Variants in ZNF471 observed in about 807,000 individuals in gnomAD.
ZNF471 encodes the protein EZFIT-related protein 1.
Under a neutral mutation model 13.7 loss-of-function variants are expected in ZNF471, and 7 were observed. The observed-to-expected ratio is 0.51, with a 90% CI of 0.29 to 0.96. The LOEUF (loss-of-function observed/expected upper bound fraction) is 0.96. Ranked by LOEUF, ZNF471 falls within the 40% of genes least tolerant of loss-of-function variation. ZNF471 has a pLI of 0.08. For synonymous variants in ZNF471, 218 were observed against 235.6 expected, an observed-to-expected ratio of 0.93 and a Z score of 0.68; for missense variants, 663 against 743.3, an observed-to-expected ratio of 0.89 and a Z score of 1.26.
rs2147903549 is a variant in ZNF471, at chr19:56,511,530, A to G, written c.-42A>G. 6.2e-7 allele frequency: 1 copy of G among 1,613,544 alleles called. No individual in the cohort carries two copies. The highest frequency in any genetic ancestry group is 8.5e-7 in the Non-Finnish European group (1 of 1,179,676). Reference sequence around the variant, plus strand: ...CCCTTCCTTCAGCCTTGCCCTCCCAAGACACTGTTCTTCAAGAGAAAGACC... The same window carrying G: ...CCCTTCCTTCAGCCTTGCCCTCCCAGGACACTGTTCTTCAAGAGAAAGACC... On this transcript the variant is annotated 5_prime_UTR_variant, in exon 2 of 5. Coordinates refer to ENST00000308031, the MANE Select transcript of ZNF471 (RefSeq NM_020813.4).
rs371844149 is a variant in ZNF471, at chr19:56,516,229, T to C, written c.34-46T>C. ...CACTTTGGATCAACTCAGAGTTATC[T>C]TTGGACACGAGCATTGGTTGGTTAA... On this transcript the variant is annotated intron_variant, in intron 2 of 4. Coordinates refer to ENST00000308031, the MANE Select transcript of ZNF471 (RefSeq NM_020813.4). This position sits in a 1 kb window ranked among gnomAD's most constrained non-coding sequence, Gnocchi z 4.4. The C allele has an allele frequency of 1.2e-6, 2 of 1,600,552 alleles. No homozygotes were observed. Among genetic ancestry groups the C allele is most frequent in the African/African-American group, 2.7e-5 (2 of 74,674 alleles).
intron 3 of ZNF471, 56 bp from the exon 4 acceptor site, chr19:56,518,426 T>C: frequency 7.3e-7 from 1 of 1,369,732 alleles, no homozygotes; most frequent in South Asian, 1.2e-5. Context: ...TACTGGCTTT[T>C]AGTTCTGAAA....
Position 56,508,074 on chromosome 19 carries a change from C to T in ZNF471, c.-56+154C>T. ...CAGAGGCCAGCGGGGCGCGCGTACT[C>T]GAGTCTGCGGGGCGGAGGCCGCGGC... On this transcript the variant is annotated intron_variant, in intron 1 of 4. Transcript: ENST00000308031. This position sits in a 1 kb window ranked among gnomAD's most constrained non-coding sequence, Gnocchi z 4.7. The T allele has an allele frequency of 1.0e-6, 1 of 985,278 alleles. No homozygotes were observed. The highest frequency in any genetic ancestry group is 1.2e-6 in the Non-Finnish European group (1 of 829,828). 61.0% of individuals were successfully genotyped at this position (985,278 alleles called of 1,614,324 possible).
chr19:56,525,376 G>A lies in ZNF471; in HGVS notation c.1309G>A (p.Gly437Arg). 1 of 1,613,950 alleles carries A rather than the reference G, an allele frequency of 6.2e-7. No homozygotes were observed. Among genetic ancestry groups the A allele is most frequent in the South Asian group, 1.1e-5 (1 of 91,076 alleles). Residue 437 changes from glycine to arginine, a missense_variant, in exon 5 of 5, where the codon GGG (glycine) becomes AGG (arginine). Gly to Arg is a moderately radical substitution (Grantham distance 125). Transcript: ENST00000308031. ...GAAACCTTATGAATGTGATATATGT[G>A]GGAAAGATTTTAGCCATCATGCATC... ...GEKPYECDIC[G>R]KDFSHHASLT...
At chr19:56,512,400 G>C (rs1216661525) in intron 2 of ZNF471, among the ~76,000 whole-genome samples, 3 of 151,018 alleles carry the variant, frequency 2.0e-5, no homozygotes, top group Non-Finnish European at 3.0e-5. Context: ...TGATTTTTGT[G>C]GTTTTCTATC....
intron 2 of ZNF471, among the ~76,000 whole-genome samples, chr19:56,514,815 T>C (rs1252570237): frequency 6.6e-6 from 1 of 152,194 alleles, no homozygotes; most frequent in African/African-American, 2.4e-5. Flanking sequence ...CAACCTACAC[T>C]CCAGAAGTGG....
chr19:56,511,118 C>T (rs554136698), intron 1 of ZNF471: 43 of 864,404 alleles, frequency 5.0e-5, no homozygotes, highest in African/African-American at 5.5e-5. Context: ...TCCCAAAAAC[C>T]CCATCCATCT....
Position 56,524,912 on chromosome 19 carries a change from G to A in ZNF471, c.845G>A (p.Arg282Lys). 1 of 1,613,364 alleles carries A rather than the reference G, an allele frequency of 6.2e-7. No individual in the cohort carries two copies. Among genetic ancestry groups the A allele is most frequent in the South Asian group, 1.1e-5 (1 of 90,908 alleles). ...AGTGAACACCTTATTCAGCATCAAA[G>A]AATTCATACTGGAGAAAAACCATAT... ...KQSEHLIQHQRIHTGEKPYKC... is the reference protein window; with the variant it reads ...KQSEHLIQHQKIHTGEKPYKC... The change falls in exon 5 of 5, where the codon AGA becomes AAA. Residue 282 changes from arginine (R) to lysine (K), a missense_variant. By Grantham distance (26) the Arg-to-Lys change is conservative (BLOSUM62 2). Coordinates refer to ENST00000308031, the MANE Select transcript of ZNF471 (RefSeq NM_020813.4). This position sits in a 1 kb window ranked among gnomAD's most constrained non-coding sequence, Gnocchi z 4.8.
rs16987303 is a variant in ZNF471 at position 56,525,734 on chromosome 19, C to G, written c.1667C>G (p.Ser556Cys). ...TGCGGGAAAGCCTTCAGCCAAACTTCCAATCTTACTCAACATCAAAGAATT... is the reference window on the plus strand; with the variant it reads ...TGCGGGAAAGCCTTCAGCCAAACTTGCAATCTTACTCAACATCAAAGAATT... ...NECGKAFSQT[S>C]NLTQHQRIHT... The change falls in exon 5 of 5, where the codon TCC becomes TGC. Residue 556 changes from serine (S) to cysteine (C), a missense_variant. Ser to Cys is a moderately radical substitution (Grantham distance 112). Transcript: ENST00000308031. 271,964 of 1,613,796 alleles carry G rather than the reference C, an allele frequency of 0.17. 25,241 individuals carry two copies. The highest frequency in any genetic ancestry group is 0.19 in the Non-Finnish European group (222,966 of 1,179,870).
rs1253865717 is a variant in ZNF471, at chr19:56,527,790, C to A, written c.*1842C>A. The A allele has an allele frequency of 1.3e-5, 2 of 152,208 alleles. No individual in the cohort carries two copies. Among genetic ancestry groups the A allele is most frequent in the Non-Finnish European group, 2.9e-5 (2 of 68,042 alleles). 9.4% of individuals were successfully genotyped at this position (152,208 alleles called of 1,614,324 possible). Reference sequence around the variant, plus strand: ...CAAATGTCCTCAGACAAGATGCACACCTTGCTCATTAGTGAGTTCATTTCA... The same window carrying A: ...CAAATGTCCTCAGACAAGATGCACAACTTGCTCATTAGTGAGTTCATTTCA... On this transcript the variant is annotated 3_prime_UTR_variant, in exon 5 of 5. Transcript: ENST00000308031.
chr19:56,515,486 A>G (rs1420609663), intron 2 of ZNF471, among the ~76,000 whole-genome samples: 1 of 152,226 alleles, frequency 6.6e-6, no homozygotes, highest in Non-Finnish European at 1.5e-5. Flanking sequence ...AGTCCCGTAC[A>G]TTGAATATCT....
chr19:56,527,362 TGAG>T lies in ZNF471; in HGVS notation c.*1418_*1420del, dbSNP rs745445652. Reference sequence around the variant, plus strand: ...CCAAAGGTAGATAAATTCACGAAGATGAGGAGAAACCAGTGCAAAAAGCCTGAA... The same window carrying T: ...CCAAAGGTAGATAAATTCACGAAGATGAGAAACCAGTGCAAAAAGCCTGAA... On this transcript the variant is annotated 3_prime_UTR_variant, in exon 5 of 5. Transcript: ENST00000308031. 1.3e-5 allele frequency: 2 copies of T among 152,196 alleles called. No individual in the cohort carries two copies. Among genetic ancestry groups the T allele is most frequent in the Admixed American group, 6.5e-5 (1 of 15,276 alleles). The allele number at this position is 152,196 out of a possible 1,614,324, so 9.4% of individuals were successfully genotyped here. A position where few individuals can be genotyped will look rare whatever the true frequency, so the allele number is the denominator to read the frequency against.
chr19:56,526,281 CT>C lies in ZNF471; in HGVS notation c.*334del. The C allele has an allele frequency of 9.0e-6, 2 of 222,436 alleles. No homozygotes were observed. Among genetic ancestry groups the C allele is most frequent in the Non-Finnish European group, 1.8e-5 (2 of 111,964 alleles). 13.8% of individuals were successfully genotyped at this position (222,436 alleles called of 1,614,324 possible). A position where few individuals can be genotyped will look rare whatever the true frequency, so the allele number is the denominator to read the frequency against. On this transcript the variant is annotated 3_prime_UTR_variant, in exon 5 of 5. Transcript: ENST00000308031. ...GCAAGGAGTCGGGGATCTCCCTCCC[CT>C]AGCCAAGGGAAGCCATGAGGGACTG...
chr19:56,521,821 T>G (rs1219551721), intron 4 of ZNF471, among the ~76,000 whole-genome samples: 2 of 151,784 alleles, frequency 1.3e-5, no homozygotes, highest in East Asian at 3.9e-4. Context: ...TGGCATGCAC[T>G]TGGTACTCCC....
At chr19:56,511,073 G>T in intron 1 of ZNF471, 9 of 953,648 alleles carry the variant, frequency 9.4e-6, no homozygotes, top group Non-Finnish European at 1.1e-5. Context: ...GCATTTGGGA[G>T]TCAGATTTTC....
In ZNF471 at chr19:56,510,482, A is replaced by G. The variant is rs962095241; in HGVS notation, c.-55-1035A>G. ...AGTGAGACAGAGATAAGGGACAGTG[A>G]GCTGTGTGTGTGAGAGAAGTAAGAT... On this transcript the variant is annotated intron_variant, in intron 1 of 4. Transcript: ENST00000308031. This position sits in a 1 kb window ranked among gnomAD's most constrained non-coding sequence, Gnocchi z 4.3. 3 of 985,546 alleles carry G rather than the reference A, an allele frequency of 3.0e-6. No individual in the cohort carries two copies. The highest frequency in any genetic ancestry group is 1.2e-6 in the Non-Finnish European group (1 of 829,992). 61.1% of individuals were successfully genotyped at this position (985,546 alleles called of 1,614,324 possible).
chr19:56,527,800 T>C lies in ZNF471; in HGVS notation c.*1852T>C, dbSNP rs960995. The C allele has an allele frequency of 0.44, 67,366 of 151,988 alleles. 15,154 individuals carry two copies. Among genetic ancestry groups the C allele is most frequent in the Middle Eastern group, 0.51 (149 of 294 alleles). The allele number at this position is 151,988 out of a possible 1,614,324, so 9.4% of individuals were successfully genotyped here. On this transcript the variant is annotated 3_prime_UTR_variant, in exon 5 of 5. Coordinates refer to ENST00000308031, the MANE Select transcript of ZNF471 (RefSeq NM_020813.4). ...CAGACAAGATGCACACCTTGCTCATTAGTGAGTTCATTTCAGGCAGCCAGC... is the reference window on the plus strand; with the variant it reads ...CAGACAAGATGCACACCTTGCTCATCAGTGAGTTCATTTCAGGCAGCCAGC...
In ZNF471 at chr19:56,524,457, T is replaced by TG. The variant is rs1479732026; in HGVS notation, c.390_391insG (p.Phe131ValfsTer2). 3.1e-6 allele frequency: 5 copies of TG among 1,613,712 alleles called. No homozygotes were observed. Among genetic ancestry groups the TG allele is most frequent in the Non-Finnish European group, 4.2e-6 (5 of 1,179,952 alleles). Reference sequence around the variant, plus strand: ...AAGAAAATTGGAAATGGGAAGACCTTTTTGAGAAGCAGATGGGAAGTCATG... The same window carrying TG: ...AAGAAAATTGGAAATGGGAAGACCTTGTTTGAGAAGCAGATGGGAAGTCATG... On this transcript the variant is annotated frameshift_variant, in exon 5 of 5. Coordinates refer to ENST00000308031, the MANE Select transcript of ZNF471 (RefSeq NM_020813.4). LOFTEE classifies it low-confidence loss of function (END_TRUNC). The surrounding 1 kb of genome is among the most constrained non-coding windows in gnomAD (Gnocchi z 4.8).
At position 56,525,410 on chromosome 19, in the gene ZNF471, A is replaced by G. The variant is rs1392564580; in HGVS notation, c.1343A>G (p.Gln448Arg). ...TTTAGCCATCATGCATCACTCACTC[A>G]GCATCAAAGAGTACATTCTGGAGAG... ...KDFSHHASLT[Q>R]HQRVHSGEKP... The change falls in exon 5 of 5, where the codon CAG (glutamine) becomes CGG (arginine). Residue 448 changes from glutamine (Q) to arginine (R), a missense_variant. Physicochemically the swap from Gln to Arg is conservative, Grantham distance 43 (BLOSUM62 1). Transcript: ENST00000308031. 2 of 1,614,158 alleles carry G rather than the reference A, an allele frequency of 1.2e-6. No individual in the cohort carries two copies. Among genetic ancestry groups the G allele is most frequent in the Admixed American group, 3.3e-5 (2 of 60,022 alleles).
Sources: gnomAD v4.1 joint callset for allele counts (sites outside exome capture counted in the v4.1 genomes callset) on GRCh38, gnomAD v4.1.1 for gene constraint, Gnocchi (gnomAD v3.1) non-coding constraint, MANE v1.5 for transcripts, NCBI Gene and HGNC (gene_info 2026-07-23, HGNC 2026-07-21) for gene names.